WDR72: variants seen among roughly 807,000 people sequenced by gnomAD.
WDR72 encodes WD repeat-containing protein 72.
Under a neutral mutation model 124.2 loss-of-function variants are expected in WDR72, and 120 were observed. The ratio of observed to expected loss-of-function variants is 0.97; its 90% CI spans 0.83 to 1.12. WDR72 has a LOEUF of 1.12. Among genes scored for constraint, WDR72 ranks in the 50% most tolerant of loss-of-function variants. WDR72 has a pLI of 0.00. For synonymous variants in WDR72, 452 were observed against 441.7 expected, an observed-to-expected ratio of 1.02 and a Z score of -0.29; for missense variants, 1,387 against 1,278.8, an observed-to-expected ratio of 1.08 and a Z score of -1.29.
intron 1 of WDR72, among the ~76,000 whole-genome samples, chr15:53,751,140 C>T (rs375054127): frequency 6.6e-6 from 1 of 151,990 alleles, no homozygotes; most frequent in African/African-American, 2.4e-5. Flanking sequence ...AGCACAGTGA[C>T]ATATGCCTGT....
At chr15:53,693,418 C>G (rs931148056) in intron 13 of WDR72, among the ~76,000 whole-genome samples, 64 of 152,160 alleles carry the variant, frequency 4.2e-4, no homozygotes, top group African/African-American at 1.5e-3. Flanking sequence ...CTACATACCC[C>G]TCACTGTAAA....
At chr15:53,758,068 C>T (rs1346988361) in intron 1 of WDR72, among the ~76,000 whole-genome samples, 1 of 151,972 alleles carries the variant, frequency 6.6e-6, no homozygotes, top group Non-Finnish European at 1.5e-5. Flanking sequence ...GTGAAGCATG[C>T]AATCATGGCT....
At position 53,639,539 on chromosome 15, in the gene WDR72, TATA is replaced by T. The variant is rs527571620; in HGVS notation, c.1963-23299_1963-23297del. Among the ~76,000 whole-genome samples, 198 of 142,740 alleles carry T rather than the reference TATA, an allele frequency of 1.4e-3. 5 individuals carry two copies. In the East Asian group the frequency reaches 0.038, roughly 27 times the overall value. 93.6% of individuals were successfully genotyped at this position (142,740 alleles called of 152,430 possible). ...AATTTTATTTATTTATAAAATTATA[TATA>T]ATTTTATTTATTTATAAAATTATAT... On this transcript the variant is annotated intron_variant, in intron 14 of 19. Coordinates refer to ENST00000360509, the MANE Select transcript of WDR72 (RefSeq NM_182758.4).
At chr15:53,736,023 A>T (rs773752353) in intron 1 of WDR72, among the ~76,000 whole-genome samples, 1 of 152,102 alleles carries the variant, frequency 6.6e-6, no homozygotes, top group Non-Finnish European at 1.5e-5. Context: ...TTTTCAGGAA[A>T]TTTCCCAGAA....
chr15:53,579,464 G>C (rs1248214628), intron 18 of WDR72, among the ~76,000 whole-genome samples: 1 of 152,038 alleles, frequency 6.6e-6, no homozygotes, highest in Non-Finnish European at 1.5e-5. Flanking sequence ...CTATCTTTTG[G>C]TGTGTGGTTC....
chr15:53,700,668 A>T (rs1239139044), intron 12 of WDR72, among the ~76,000 whole-genome samples: 1 of 152,080 alleles, frequency 6.6e-6, no homozygotes, highest in Non-Finnish European at 1.5e-5. Context: ...TGAGACACCC[A>T]TTACTCATCA....
chr15:53,625,412 T>G (rs780923666), intron 14 of WDR72, among the ~76,000 whole-genome samples: 2 of 152,160 alleles, frequency 1.3e-5, no homozygotes, highest in Non-Finnish European at 2.9e-5. Context: ...AATCCCAGGT[T>G]GAGAAAAGAG....
At chr15:53,654,103 A>C (rs1045345077) in intron 14 of WDR72, among the ~76,000 whole-genome samples, 2 of 152,162 alleles carry the variant, frequency 1.3e-5, no homozygotes, top group Non-Finnish European at 2.9e-5. Context: ...CAAGTGAAGA[A>C]ACTTTTAATT....
chr15:53,540,784 C>T (rs571987624), intron 18 of WDR72: 90 of 155,252 alleles, frequency 5.8e-4, no homozygotes, highest in Non-Finnish European at 9.8e-4. Flanking sequence ...TCAGTGGGTG[C>T]GCGCACCGTG....
chr15:53,604,019 C>T (rs1049426862), intron 17 of WDR72, among the ~76,000 whole-genome samples: 2 of 152,086 alleles, frequency 1.3e-5, no homozygotes, highest in African/African-American at 4.8e-5. Flanking sequence ...GCCTGAATGG[C>T]CAGGGCAATC....
chr15:53,748,384 T>C (rs1365338853), intron 1 of WDR72, among the ~76,000 whole-genome samples: 2 of 152,206 alleles, frequency 1.3e-5, no homozygotes, highest in African/African-American at 2.4e-5. Context: ...GCTACATAAG[T>C]ATATTTGTTT....
chr15:53,644,369 C>A (rs889109553), intron 14 of WDR72, among the ~76,000 whole-genome samples: 1 of 151,986 alleles, frequency 6.6e-6, no homozygotes, highest in Non-Finnish European at 1.5e-5. Flanking sequence ...CATATTTCCC[C>A]ATGGGAATTT....
At position 53,739,468 on chromosome 15, in the gene WDR72, G is replaced by A. The variant is rs2140876699; in HGVS notation, c.-12-6307C>T. 2.0e-5 allele frequency among the ~76,000 whole-genome samples: 3 copies of A among 152,274 alleles called. 1 individual carries two copies. The South Asian group carries it at 6.2e-4, about 32-fold the overall frequency. On this transcript the variant is annotated intron_variant, in intron 1 of 19. Coordinates refer to ENST00000360509, the MANE Select transcript of WDR72 (RefSeq NM_182758.4). ...CAATATACTCTACTATAAGAAGAGG[G>A]GGAAGTAGAAACTAGCAGTTTTAAC... is the stretch of plus-strand genomic sequence containing the variant.
At chr15:53,545,644 A>T (rs879215021) in intron 18 of WDR72, among the ~76,000 whole-genome samples, 3 of 149,588 alleles carry the variant, frequency 2.0e-5, no homozygotes, top group Admixed American at 2.0e-4. Flanking sequence ...AATGGCAACA[A>T]AAGACAAAAT....
In WDR72 at chr15:53,616,045, C is replaced by A; in HGVS notation, c.2161G>T (p.Glu721Ter). ...EVLRRAKSTV[E>*]KKTLTLRKSK... is the part of the protein sequence containing the mutation. ...TTTCTCAGTGTCAGTGTCTTCTTCT[C>A]CACTGTGCTCTTGGCTCTTCTCAGG... The change falls in exon 15 of 20, where the codon GAG becomes TAG. Residue 721 changes from glutamate (E) to a stop codon, truncating the protein, a stop_gained. Transcript: ENST00000360509. LOFTEE classifies it high-confidence loss of function. 6.2e-7 allele frequency: 1 copy of A among 1,612,724 alleles called. No individual in the cohort carries two copies. Among genetic ancestry groups the A allele is most frequent in the Non-Finnish European group, 8.5e-7 (1 of 1,179,202 alleles).
At chr15:53,540,279 A>G (rs1418119023) in intron 18 of WDR72, among the ~76,000 whole-genome samples, 1 of 152,212 alleles carries the variant, frequency 6.6e-6, no homozygotes, top group Non-Finnish European at 1.5e-5. Context: ...ATCAAACTCT[A>G]ATGCCAATAG....
chr15:53,525,677 T>G (rs1402048547), intron 18 of WDR72, among the ~76,000 whole-genome samples: 3 of 152,044 alleles, frequency 2.0e-5, no homozygotes, highest in African/African-American at 4.8e-5. Context: ...AGCTGCATGA[T>G]CTTCATTAAA....
intron 18 of WDR72, among the ~76,000 whole-genome samples, chr15:53,590,002 A>G (rs74666691): frequency 0.018 from 2,698 of 152,164 alleles, 74 homozygotes; most frequent in East Asian, 0.13. Context: ...GGAGCTAAAA[A>G]TAAGATGGGA....
Position 53,710,931 on chromosome 15 carries a change from G to C in WDR72, c.880C>G (p.Pro294Ala), listed in dbSNP as rs1287464345. 1 of 1,613,576 alleles carries C rather than the reference G, an allele frequency of 6.2e-7. No individual in the cohort carries two copies. ...TCTTTAAGCACTCTTCCATCAGCAG[G>C]GTATATGCTTTTTGAAAGCCCACTG... Reference protein sequence around the residue: ...LNSGLSKSIYPADGRVLKETI... With the variant: ...LNSGLSKSIYAADGRVLKETI... Residue 294 changes from proline to alanine, a missense_variant, in exon 9 of 20, where the codon CCT (proline) becomes GCT (alanine). By Grantham distance (27) the Pro-to-Ala change is conservative (BLOSUM62 -1). Coordinates refer to ENST00000360509, the MANE Select transcript of WDR72 (RefSeq NM_182758.4).
Sources: allele counts gnomAD v4.1 joint callset (sites outside exome capture counted in the v4.1 genomes callset), GRCh38; gene constraint gnomAD v4.1.1; transcripts MANE v1.5; gene names NCBI Gene and HGNC (gene_info 2026-07-23, HGNC 2026-07-21).